The following FNTB variants were observed in gnomAD, a reference collection of about 807,000 sequenced individuals.
The protein encoded by FNTB is farnesyltransferase, CAAX box, subunit beta.
A neutral mutation model predicts 59.4 loss-of-function variants in FNTB; 27 were observed. The observed-to-expected ratio is 0.45, with a 90% CI of 0.34 to 0.63. FNTB has a LOEUF of 0.63. Ranked by LOEUF, FNTB falls within the 20% of genes least tolerant of loss-of-function variation. The pLI, the probability that FNTB is intolerant of heterozygous loss-of-function variation, is 0.02. For synonymous variants in FNTB, 230 were observed against 220.7 expected, an observed-to-expected ratio of 1.04 and a Z score of -0.37; for missense variants, 449 against 559.6, an observed-to-expected ratio of 0.80 and a Z score of 1.99.
chr14:65,044,412 G>GCCCCT lies in FNTB; in HGVS notation c.925_929dup (p.Leu311ProfsTer17). 1 of 1,613,154 alleles carries GCCCCT rather than the reference G, an allele frequency of 6.2e-7. No individual in the cohort carries two copies. The highest frequency in any genetic ancestry group is 8.5e-7 in the Non-Finnish European group (1 of 1,179,654). On this transcript the variant is annotated frameshift_variant, in exon 9 of 12. Transcript: ENST00000246166. LOFTEE classifies it high-confidence loss of function. The surrounding 1 kb of genome is among the most constrained non-coding windows in gnomAD (Gnocchi z 5.5). ...ACTCCTTCTGGCAGGCGGGGCTCCT[G>GCCCCT]CCCCTGCTCCACCGCGCACTGCACG...
At position 65,012,631 on chromosome 14, in the gene FNTB, A is replaced by G. The variant is rs138332404; in HGVS notation, c.282+242A>G. Among the ~76,000 whole-genome samples, 47 of 152,274 alleles carry G rather than the reference A, an allele frequency of 3.1e-4. 2 individuals carry two copies. The East Asian group carries it at 7.9e-3, about 26-fold the overall frequency. On this transcript the variant is annotated intron_variant, in intron 3 of 11. Coordinates refer to ENST00000246166, the MANE Select transcript of FNTB (RefSeq NM_002028.4). The surrounding 1 kb of genome is among the most constrained non-coding windows in gnomAD (Gnocchi z 5.0). ...TAGGATGGGGCTTTCTTCTGTTACT[A>G]GATGATGACTAAGGGGTTCACGTGC... is the stretch of plus-strand genomic sequence containing the variant.
At position 65,014,274 on chromosome 14, in the gene FNTB, T is replaced by C. The variant is rs930914987; in HGVS notation, c.283-1351T>C. Among the ~76,000 whole-genome samples, 2 of 152,196 alleles carry C rather than the reference T, an allele frequency of 1.3e-5. No individual in the cohort carries two copies. Among genetic ancestry groups the C allele is most frequent in the Non-Finnish European group, 2.9e-5 (2 of 68,040 alleles). ...CTAGCCTTGAATGCTCAATAATCATTTATGGTTTAATTAGGATCAAGAGCC... is the reference window on the plus strand; with the variant it reads ...CTAGCCTTGAATGCTCAATAATCATCTATGGTTTAATTAGGATCAAGAGCC... On this transcript the variant is annotated intron_variant, in intron 3 of 11. Coordinates refer to ENST00000246166, the MANE Select transcript of FNTB (RefSeq NM_002028.4). The surrounding 1 kb of genome is among the most constrained non-coding windows in gnomAD (Gnocchi z 5.1).
chr14:65,055,943 T>C (rs1029484603), intron 11 of FNTB, among the ~76,000 whole-genome samples: 5 of 152,198 alleles, frequency 3.3e-5, no homozygotes, highest in Non-Finnish European at 5.9e-5. Flanking sequence ...TTCCAGGCCC[T>C]AATTATTTCC....
At chr14:65,008,990 C>A (rs72728241) in intron 2 of FNTB, among the ~76,000 whole-genome samples, 13,613 of 152,200 alleles carry the variant, frequency 0.089, 850 homozygotes, top group Admixed American at 0.16. Context: ...TGCATCCCAC[C>A]CTGCACCCCC....
In FNTB at chr14:65,060,472, G is replaced by A. The variant is rs976150766; in HGVS notation, c.1183-709G>A. On this transcript the variant is annotated intron_variant, in intron 11 of 11. Transcript: ENST00000246166. ...AGCACTTTGGGAGGCCGAGGCGGGCGGATCACGAGGTCAGGAGATCGAGAC... is the reference window on the plus strand; with the variant it reads ...AGCACTTTGGGAGGCCGAGGCGGGCAGATCACGAGGTCAGGAGATCGAGAC... 2.4e-4 allele frequency among the ~76,000 whole-genome samples: 26 copies of A among 107,342 alleles called. 7 individuals carry two copies. The highest frequency in any genetic ancestry group is 1.1e-3 in the African/African-American group (15 of 13,138). The allele number at this position is 107,342 out of a possible 152,430, so 70.4% of individuals were successfully genotyped here. A position where few individuals can be genotyped will look rare whatever the true frequency, so the allele number is the denominator to read the frequency against.
In FNTB at chr14:64,991,154, C is replaced by G. The variant is rs1244789289; in HGVS notation, c.144+4057C>G. ...CTTTGAGTTTGTCTTTGAACAGAGG[C>G]AAACGCGTCCTCCACTTTAAATGGC... On this transcript the variant is annotated intron_variant, in intron 1 of 11. Transcript: ENST00000246166. The surrounding 1 kb of genome is among the most constrained non-coding windows in gnomAD (Gnocchi z 4.4). Among the ~76,000 whole-genome samples, 1 of 152,144 alleles carries G rather than the reference C, an allele frequency of 6.6e-6. No homozygotes were observed. Among genetic ancestry groups the G allele is most frequent in the Non-Finnish European group, 1.5e-5 (1 of 68,014 alleles).
In FNTB at chr14:65,059,333, C is replaced by CT. The variant is rs549995463; in HGVS notation, c.1183-1837dup. The stretch of plus-strand genomic sequence containing the variant: ...TTGTACCTGGCCCCCGCACTAGCCC[C>CT]TTTTTTTTTTTCAGTCCTTAAAAGG... On this transcript the variant is annotated intron_variant, in intron 11 of 11. Transcript: ENST00000246166. Among the ~76,000 whole-genome samples, 149 of 146,606 alleles carry CT rather than the reference C, an allele frequency of 1.0e-3. 1 individual carries two copies. In the East Asian group the frequency reaches 0.014, roughly 13 times the overall value.
chr14:65,052,039 C>G (rs1227621241), intron 9 of FNTB, among the ~76,000 whole-genome samples: 1 of 152,066 alleles, frequency 6.6e-6, no homozygotes, highest in African/African-American at 2.4e-5. Flanking sequence ...TCGTGATCAA[C>G]CCCCCTCAGC....
intron 7 of FNTB, among the ~76,000 whole-genome samples, chr14:65,033,517 A>G (rs1193277101): frequency 6.6e-6 from 1 of 152,206 alleles, no homozygotes; most frequent in Non-Finnish European, 1.5e-5. Context: ...TGTATGTTCT[A>G]TATTTTGTTT....
rs568122612 is a variant in FNTB at position 64,986,899 on chromosome 14, C to G, written c.-55C>G. 2 of 1,601,676 alleles carry G rather than the reference C, an allele frequency of 1.2e-6. No homozygotes were observed. The highest frequency in any genetic ancestry group is 1.7e-6 in the Non-Finnish European group (2 of 1,169,282). On this transcript the variant is annotated 5_prime_UTR_variant, in exon 1 of 12. Transcript: ENST00000246166. ...GCTTTAGCCCGCTCGAGTTTCAATG[C>G]GCGTTGTTGCTTAACGAAGCAGAGT...
chr14:65,005,466 TTTCTTTCTTTCTTTC>T (rs2061567719), intron 2 of FNTB, among the ~76,000 whole-genome samples: 1 of 127,510 alleles, frequency 7.8e-6, no homozygotes, highest in Admixed American at 7.9e-5. Flanking sequence ...TCTTTCTTTC[TTTCTTTCTTTCTTTC>T]TTTCTTTCTT....
At chr14:65,033,695 A>T (rs2062131705) in intron 7 of FNTB, among the ~76,000 whole-genome samples, 1 of 152,166 alleles carries the variant, frequency 6.6e-6, no homozygotes, top group Non-Finnish European at 1.5e-5. Context: ...GTCTCTACTA[A>T]AAATACAAAA....
rs1364349856 is a variant in FNTB at position 65,014,499 on chromosome 14, T to G, written c.283-1126T>G. Among the ~76,000 whole-genome samples the G allele has an allele frequency of 2.0e-5, 3 of 152,166 alleles. No homozygotes were observed. Among genetic ancestry groups the G allele is most frequent in the Admixed American group, 6.5e-5 (1 of 15,268 alleles). ...TTCCCCTACAGGTAACCACACACATTCTATATCCCAAGCATCTCAAGAACA... is the reference window on the plus strand; with the variant it reads ...TTCCCCTACAGGTAACCACACACATGCTATATCCCAAGCATCTCAAGAACA... On this transcript the variant is annotated intron_variant, in intron 3 of 11. Transcript: ENST00000246166. This position sits in a 1 kb window ranked among gnomAD's most constrained non-coding sequence, Gnocchi z 5.1.
intron 7 of FNTB, among the ~76,000 whole-genome samples, chr14:65,037,431 T>G (rs1483557006): frequency 8.5e-6 from 1 of 118,078 alleles, no homozygotes; most frequent in Non-Finnish European, 1.7e-5. Flanking sequence ...TTTTTTTTTT[T>G]TTTTTTTTTT....
At chr14:65,041,267 C>A (rs1038178675) in intron 8 of FNTB, among the ~76,000 whole-genome samples, 2 of 152,182 alleles carry the variant, frequency 1.3e-5, no homozygotes, top group Non-Finnish European at 2.9e-5. Context: ...AAGAGCTTTG[C>A]AGCATTTCGA....
At chr14:65,018,230 G>T (rs2061817537) in intron 4 of FNTB, among the ~76,000 whole-genome samples, 1 of 152,040 alleles carries the variant, frequency 6.6e-6, no homozygotes, top group Admixed American at 6.6e-5. Flanking sequence ...AGTTCTAGCT[G>T]CTCAGGAGGC....
In FNTB at chr14:65,061,740, C is replaced by T. The variant is rs1272855191; in HGVS notation, c.*428C>T. The T allele has an allele frequency of 6.0e-6, 1 of 167,136 alleles. No individual in the cohort carries two copies. The highest frequency in any genetic ancestry group is 1.3e-5 in the Non-Finnish European group (1 of 75,956). 10.4% of individuals were successfully genotyped at this position (167,136 alleles called of 1,614,324 possible). Reference sequence around the variant, plus strand: ...TGGGTGGAATAAGTCTGCTTCATGCCAAGGCTGGGCTTTGGGTCCCACCAA... The same window carrying T: ...TGGGTGGAATAAGTCTGCTTCATGCTAAGGCTGGGCTTTGGGTCCCACCAA... On this transcript the variant is annotated 3_prime_UTR_variant, in exon 12 of 12. Transcript: ENST00000246166.
At chr14:64,987,964 G>T (rs1339167875) in intron 1 of FNTB, among the ~76,000 whole-genome samples, 1 of 152,156 alleles carries the variant, frequency 6.6e-6, no homozygotes, top group Non-Finnish European at 1.5e-5. Context: ...ACTAATAAAT[G>T]AACATTCTGC....
Position 65,015,621 on chromosome 14 carries a change from C to T in FNTB, c.283-4C>T. 6.2e-7 allele frequency: 1 copy of T among 1,614,022 alleles called. No individual in the cohort carries two copies. The highest frequency in any genetic ancestry group is 8.5e-7 in the Non-Finnish European group (1 of 1,180,002). On this transcript the variant is annotated splice_region_variant and splice_polypyrimidine_tract_variant and intron_variant, in intron 3 of 11. Coordinates refer to ENST00000246166, the MANE Select transcript of FNTB (RefSeq NM_002028.4). Reference sequence around the variant, plus strand: ...GGATGTTTTCTCTCCTGTCTCTCTCCCAGTGTCTGGATGCCAGCCGCCCAT... The same window carrying T: ...GGATGTTTTCTCTCCTGTCTCTCTCTCAGTGTCTGGATGCCAGCCGCCCAT...
Sources: allele counts gnomAD v4.1 joint callset (sites outside exome capture counted in the v4.1 genomes callset), GRCh38; gene constraint gnomAD v4.1.1; non-coding constraint Gnocchi (gnomAD v3.1); transcripts MANE v1.5; gene names NCBI Gene and HGNC (gene_info 2026-07-23, HGNC 2026-07-21).